Variants in FHOD3 observed in about 807,000 individuals in gnomAD.
The protein encoded by FHOD3 is formin homology 2 domain containing 3.
In FHOD3, 90 loss-of-function variants were observed where a neutral mutation model predicts 173.0. The observed-to-expected ratio is 0.52, with a 90% CI of 0.44 to 0.62. The LOEUF (loss-of-function observed/expected upper bound fraction) is 0.62. Among genes scored for constraint, FHOD3 ranks in the 20% least tolerant of loss-of-function variants. FHOD3 has a pLI of 0.00. For synonymous variants in FHOD3, 828 were observed against 823.0 expected (o/e 1.01, Z -0.10); for missense variants, 1,945 against 2,034.7 (o/e 0.96, Z 0.85).
At chr18:36,472,344 C>T (rs1261835707) in intron 3 of FHOD3, among the ~76,000 whole-genome samples, 1 of 152,132 alleles carries the variant, frequency 6.6e-6, no homozygotes, top group East Asian at 1.9e-4. Context: ...GAGAAAAAAC[C>T]AATTTGTCTA....
chr18:36,672,016 TACCACTAGGCAA>T (rs1214437126), intron 14 of FHOD3, among the ~76,000 whole-genome samples: 2 of 152,122 alleles, frequency 1.3e-5, no homozygotes, highest in Admixed American at 1.3e-4. Context: ...GGAAGTGAGA[TACCACTAGGCAA>T]AGGAACTAGA....
At chr18:36,676,335 G>T (rs1054932102) in intron 14 of FHOD3, among the ~76,000 whole-genome samples, 2 of 151,960 alleles carry the variant, frequency 1.3e-5, no homozygotes, top group Non-Finnish European at 2.9e-5. Flanking sequence ...TTTGCTTTGG[G>T]GAATTACCTA....
chr18:36,638,734 G>T (rs760448415), intron 10 of FHOD3, among the ~76,000 whole-genome samples: 2 of 152,156 alleles, frequency 1.3e-5, no homozygotes, highest in Non-Finnish European at 2.9e-5. Context: ...TTAAGGATGC[G>T]AATCTCTAGG....
At chr18:36,503,262 T>C (rs1032685442) in intron 4 of FHOD3, among the ~76,000 whole-genome samples, 1 of 152,232 alleles carries the variant, frequency 6.6e-6, no homozygotes, top group African/African-American at 2.4e-5. Context: ...AGCTTGCGTC[T>C]GTCTAGGTTC....
chr18:36,405,351 C>T (rs906203466), intron 3 of FHOD3, among the ~76,000 whole-genome samples: 2 of 152,176 alleles, frequency 1.3e-5, no homozygotes, highest in African/African-American at 4.8e-5. Flanking sequence ...TTAACATTTA[C>T]AATTGCAGAA....
rs190866480 is a variant in FHOD3 at position 36,593,691 on chromosome 18, G to T, written c.607-1096G>T. Among the ~76,000 whole-genome samples, 13 of 152,262 alleles carry T rather than the reference G, an allele frequency of 8.5e-5. No homozygotes were observed. In the East Asian group the frequency reaches 2.3e-3, roughly 27 times the overall value. Reference sequence around the variant, plus strand: ...ACCAGTGATACAGGCTCAAGGGGTGGGCGAGAGGTCATGGATTGATTGACC... The same window carrying T: ...ACCAGTGATACAGGCTCAAGGGGTGTGCGAGAGGTCATGGATTGATTGACC... On this transcript the variant is annotated intron_variant, in intron 6 of 28. Transcript: ENST00000590592.
At chr18:36,452,967 A>T (rs1487906614) in intron 3 of FHOD3, among the ~76,000 whole-genome samples, 2 of 152,044 alleles carry the variant, frequency 1.3e-5, no homozygotes, top group Admixed American at 6.5e-5. Context: ...TATTGTAAAC[A>T]TCTCTTTGTT....
chr18:36,763,599 G>A (rs937472137), intron 27 of FHOD3, among the ~76,000 whole-genome samples: 5 of 145,596 alleles, frequency 3.4e-5, no homozygotes, highest in South Asian at 2.1e-4. Flanking sequence ...TATTATACAC[G>A]TTATATATAA....
chr18:36,525,375 T>C (rs1156757171), intron 5 of FHOD3, among the ~76,000 whole-genome samples: 1 of 152,002 alleles, frequency 6.6e-6, no homozygotes, highest in African/African-American at 2.4e-5. Flanking sequence ...CCACATGAGC[T>C]TGGAAGAGGA....
At chr18:36,524,682 T>C (rs765466514) in intron 5 of FHOD3, among the ~76,000 whole-genome samples, 10 of 152,166 alleles carry the variant, frequency 6.6e-5, no homozygotes, top group Non-Finnish European at 1.2e-4. Context: ...CGCCTGTCTT[T>C]CTATCTGTCT....
chr18:36,374,289 A>G (rs549166126), intron 3 of FHOD3, among the ~76,000 whole-genome samples: 1 of 152,334 alleles, frequency 6.6e-6, no homozygotes, highest in Admixed American at 6.5e-5. Context: ...ATCCTGTGGC[A>G]TGCTGAGCAC....
At chr18:36,433,645 A>G (rs2050669626) in intron 3 of FHOD3, among the ~76,000 whole-genome samples, 2 of 152,350 alleles carry the variant, frequency 1.3e-5, no homozygotes, top group East Asian at 3.9e-4. Flanking sequence ...GTAAGCATTT[A>G]GAAACATTTA....
chr18:36,696,498 T>A (rs1210809981), intron 17 of FHOD3, among the ~76,000 whole-genome samples: 2 of 152,216 alleles, frequency 1.3e-5, no homozygotes, highest in Admixed American at 6.5e-5. Flanking sequence ...AAACTCCTTT[T>A]CCTTTTGTCT....
intron 3 of FHOD3, among the ~76,000 whole-genome samples, chr18:36,392,448 A>T (rs1012308206): frequency 1.3e-4 from 20 of 152,186 alleles, no homozygotes; most frequent in Non-Finnish European, 2.6e-4. Context: ...CTGATAACTT[A>T]TAGTGGCCAA....
At chr18:36,642,014 T>C (rs1046961789) in intron 10 of FHOD3, among the ~76,000 whole-genome samples, 3 of 151,882 alleles carry the variant, frequency 2.0e-5, no homozygotes, top group Non-Finnish European at 4.4e-5. Context: ...ATTACACTGC[T>C]TTTTTAGTAA....
rs764893729 is a variant in FHOD3, at chr18:36,512,396, C to G, written c.406-42C>G. 6 of 1,440,534 alleles carry G rather than the reference C, an allele frequency of 4.2e-6. No homozygotes were observed. In the Admixed American group the frequency reaches 8.4e-5, roughly 20 times the overall value. The allele number at this position is 1,440,534 out of a possible 1,614,324, so 89.2% of individuals were successfully genotyped here. A position where few individuals can be genotyped will look rare whatever the true frequency, so the allele number is the denominator to read the frequency against. The stretch of plus-strand genomic sequence containing the variant: ...CAGCACAGCTGGGATGGAAGGTGGA[C>G]AGGGACAGTATTTGAAGTATTTTTG... On this transcript the variant is annotated intron_variant, in intron 4 of 28. Transcript: ENST00000590592.
At chr18:36,364,894 G>T (rs1296280531) in intron 2 of FHOD3, among the ~76,000 whole-genome samples, 1 of 152,148 alleles carries the variant, frequency 6.6e-6, no homozygotes, top group Non-Finnish European at 1.5e-5. Context: ...TGTCTGAAGG[G>T]GGAGAAAGCA....
At chr18:36,347,818 C>G (rs1305594130) in intron 1 of FHOD3, among the ~76,000 whole-genome samples, 1 of 152,122 alleles carries the variant, frequency 6.6e-6, no homozygotes, top group Non-Finnish European at 1.5e-5. Flanking sequence ...AGAAAATTGA[C>G]CAAGTGTTAC....
intron 8 of FHOD3, among the ~76,000 whole-genome samples, chr18:36,604,780 A>G (rs1055112464): frequency 1.3e-5 from 2 of 152,250 alleles, no homozygotes; most frequent in Non-Finnish European, 2.9e-5. Flanking sequence ...TAAAATTTTA[A>G]AAGATCTTAT....
Sources: gnomAD v4.1 joint callset for allele counts (sites outside exome capture counted in the v4.1 genomes callset) on GRCh38, gnomAD v4.1.1 for gene constraint, MANE v1.5 for transcripts, NCBI Gene and HGNC (gene_info 2026-07-23, HGNC 2026-07-21) for gene names.